Variants in ZMYM2 observed in about 807,000 individuals in gnomAD.
ZMYM2 encodes zinc finger MYM-type containing 2, also known as zinc finger MYM-type protein 2.
A neutral mutation model predicts 162.8 loss-of-function variants in ZMYM2; 56 were observed. The observed-to-expected ratio is 0.34, with a 90% CI of 0.28 to 0.43. The LOEUF is 0.43. ZMYM2 is among the 20% of genes least tolerant of loss of function. The probability of loss-of-function intolerance (pLI) is 1.00; values close to 1 mark genes in which losing one functional copy is unlikely to be tolerated. For synonymous variants in ZMYM2, 510 were observed against 541.6 expected, an observed-to-expected ratio of 0.94 and a Z score of 0.81; for missense variants, 1,275 against 1,621.8, an observed-to-expected ratio of 0.79 and a Z score of 3.67.
intron 7 of ZMYM2, among the ~76,000 whole-genome samples, chr13:20,023,543 G>A (rs1356019257): frequency 1.3e-5 from 2 of 152,148 alleles, no homozygotes; most frequent in African/African-American, 4.8e-5. Context: ...GAGCCAGTTT[G>A]TCATAAACTT....
At chr13:20,035,583 A>C (rs372912130) in intron 11 of ZMYM2, among the ~76,000 whole-genome samples, 4 of 152,330 alleles carry the variant, frequency 2.6e-5, no homozygotes, top group East Asian at 1.9e-4. Flanking sequence ...TATGTCATTA[A>C]TTGTCTACCA....
chr13:19,866,097 C>T, the ZMYM2 span, among the ~76,000 whole-genome samples: 1 of 151,856 alleles, frequency 6.6e-6, no homozygotes, highest in South Asian at 2.1e-4. Flanking sequence ...TGGCCCACGC[C>T]TGTAATCCCA....
chr13:20,015,570 A>G (rs1237986857), intron 6 of ZMYM2, among the ~76,000 whole-genome samples: 1 of 152,162 alleles, frequency 6.6e-6, no homozygotes, highest in Non-Finnish European at 1.5e-5. Context: ...GTCTCCAGCT[A>G]TTATTGTACA....
chr13:20,016,787 G>A (rs1951668816), intron 6 of ZMYM2, among the ~76,000 whole-genome samples: 1 of 152,064 alleles, frequency 6.6e-6, no homozygotes, highest in Non-Finnish European at 1.5e-5. Context: ...TCTTTTAACG[G>A]TTTGATTATA....
At chr13:19,903,383 T>C in the ZMYM2 span, among the ~76,000 whole-genome samples, 1 of 148,736 alleles carries the variant, frequency 6.7e-6, no homozygotes, top group Non-Finnish European at 1.5e-5. Flanking sequence ...CTCACGCCTG[T>C]AATTTCAGAA....
the ZMYM2 span, among the ~76,000 whole-genome samples, chr13:19,946,870 G>A: frequency 6.6e-6 from 1 of 152,178 alleles, no homozygotes; most frequent in Non-Finnish European, 1.5e-5. Context: ...AATTATAGAT[G>A]TGGTGTCTTA....
In ZMYM2 at chr13:20,083,885, TTCTC is replaced by T. The variant is rs1410567966; in HGVS notation, c.3941+114_3941+117del. Reference sequence around the variant, plus strand: ...TTAGATGGATTCTTTCTCAGATTTCTTCTCTCTCAGTTATACCCAAGTTCATTCA... The same window carrying T: ...TTAGATGGATTCTTTCTCAGATTTCTTCTCAGTTATACCCAAGTTCATTCA... On this transcript the variant is annotated intron_variant, in intron 24 of 24. Transcript: ENST00000610343. The T allele has an allele frequency of 5.2e-6, 6 of 1,157,634 alleles. No individual in the cohort carries two copies. The Admixed American group carries it at 1.5e-4, about 30-fold the overall frequency. The allele number at this position is 1,157,634 out of a possible 1,614,324, so 71.7% of individuals were successfully genotyped here.
chr13:19,969,881 G>T (rs930315564), intron 2 of ZMYM2: 3 of 256,690 alleles, frequency 1.2e-5, no homozygotes, highest in Non-Finnish European at 6.1e-6. Context: ...TTAAAAAAGA[G>T]TTTTGAGTCT....
At chr13:20,077,864 A>T (rs1265514954) in intron 21 of ZMYM2, among the ~76,000 whole-genome samples, 5 of 144,284 alleles carry the variant, frequency 3.5e-5, no homozygotes, top group African/African-American at 1.0e-4. Flanking sequence ...TTTTTTTGAG[A>T]GGGAGTCTTG....
the ZMYM2 span, among the ~76,000 whole-genome samples, chr13:19,886,590 T>C: frequency 6.6e-6 from 1 of 151,908 alleles, no homozygotes; most frequent in African/African-American, 2.4e-5. Flanking sequence ...TCACGATTTA[T>C]TGAAGAAGCT....
At chr13:19,992,930 C>T in intron 2 of ZMYM2, 133 bp from the exon 3 acceptor site, 1 of 1,018,856 alleles carries the variant, frequency 9.8e-7, no homozygotes, top group Non-Finnish European at 1.4e-6. Context: ...ACATATTTTC[C>T]TGAATGTTAG....
chr13:19,975,093 T>C (rs1369883773), intron 2 of ZMYM2, among the ~76,000 whole-genome samples: 2 of 152,118 alleles, frequency 1.3e-5, no homozygotes, highest in Non-Finnish European at 2.9e-5. Flanking sequence ...GCCTTCATTT[T>C]ATTACGATAT....
chr13:19,966,952 T>A (rs2092647812), intron 2 of ZMYM2, among the ~76,000 whole-genome samples: 1 of 152,220 alleles, frequency 6.6e-6, no homozygotes, highest in Admixed American at 6.5e-5. Flanking sequence ...CCATCCTATG[T>A]CTCTGTACGG....
chr13:20,079,345 G>GAAAAA lies in ZMYM2; in HGVS notation c.3454-2670_3454-2669insAAAAA, dbSNP rs1957754259. 1.7e-3 allele frequency among the ~76,000 whole-genome samples: 33 copies of GAAAAA among 19,138 alleles called. 2 individuals are homozygous for GAAAAA. The highest frequency in any genetic ancestry group is 0.015 in the Middle Eastern group (1 of 66). The allele number at this position is 19,138 out of a possible 152,430, so 12.6% of individuals were successfully genotyped here. A position where few individuals can be genotyped will look rare whatever the true frequency, so the allele number is the denominator to read the frequency against. On this transcript the variant is annotated intron_variant, in intron 21 of 24. Transcript: ENST00000610343. ...AAAAAAAAAAAAAAAAAAAAAAAAGGATACTTAATGAATTCAAATCCCATA... is the reference window on the plus strand; with the variant it reads ...AAAAAAAAAAAAAAAAAAAAAAAAGGAAAAAATACTTAATGAATTCAAATCCCATA...
At chr13:20,057,722 A>T (rs375180542) in intron 14 of ZMYM2, among the ~76,000 whole-genome samples, 1 of 152,242 alleles carries the variant, frequency 6.6e-6, no homozygotes, top group East Asian at 1.9e-4. Context: ...AAGTATCGTT[A>T]ACAAAATTAT....
rs1314486043 is a variant in ZMYM2, at chr13:20,031,359, C to T, written c.1892C>T (p.Ala631Val). ...TCATCTCCAAATGGCCAGTTTGTAG[C>T]GCCAAGTGATATTCAGTTGAAATGC... is the stretch of plus-strand genomic sequence containing the variant. Reference protein sequence around the residue: ...MQSSPNGQFVAPSDIQLKCNY... With the variant: ...MQSSPNGQFVVPSDIQLKCNY... Residue 631 changes from alanine to valine, a missense_variant, in exon 10 of 25, where the codon GCG (alanine) becomes GTG (valine). Physicochemically the swap from Ala to Val is moderately conservative, Grantham distance 64. Around this residue, in one of 10 missense-constraint regions of ZMYM2, gnomAD observed 276 missense variants for 311.8 expected, o/e 0.89. Transcript: ENST00000610343. 9 of 1,608,418 alleles carry T rather than the reference C, an allele frequency of 5.6e-6. No individual in the cohort carries two copies. The highest frequency in any genetic ancestry group is 1.7e-5 in the Admixed American group (1 of 57,982).
At chr13:20,056,573 T>A (rs1028561663) in intron 14 of ZMYM2, among the ~76,000 whole-genome samples, 2 of 152,136 alleles carry the variant, frequency 1.3e-5, no homozygotes, top group African/African-American at 2.4e-5. Flanking sequence ...CTGGAAGCAG[T>A]CACAATATGC....
At chr13:19,971,750 G>A (rs1956355439) in intron 2 of ZMYM2, among the ~76,000 whole-genome samples, 1 of 151,980 alleles carries the variant, frequency 6.6e-6, no homozygotes, top group Non-Finnish European at 1.5e-5. Context: ...AGGCTGTAGG[G>A]GAAGAAAGGA....
intron 5 of ZMYM2, 142 bp from the exon 6 acceptor site, chr13:20,006,232 T>TAAAAA: frequency 1.3e-5 from 9 of 674,616 alleles, no homozygotes; most frequent in Non-Finnish European, 1.6e-5. Flanking sequence ...ACCCTGTCTT[T>TAAAAA]AAAAAAAAAA....
Sources: allele counts gnomAD v4.1 joint callset (sites outside exome capture counted in the v4.1 genomes callset), GRCh38; gene constraint gnomAD v4.1.1; regional missense constraint gnomAD v4.1.1; transcripts MANE v1.5; gene names NCBI Gene and HGNC (gene_info 2026-07-23, HGNC 2026-07-21).